The following METTL15 variants were observed in gnomAD, a reference collection of about 807,000 sequenced individuals.
The protein encoded by METTL15 is methyltransferase 15, mitochondrial 12S rRNA N4-cytidine, also known as 12S rRNA N(4)-cytidine methyltransferase METTL15.
A neutral mutation model predicts 38.3 loss-of-function variants in METTL15; 34 were observed. The ratio of observed to expected loss-of-function variants is 0.89; its 90% CI spans 0.68 to 1.18. The LOEUF (loss-of-function observed/expected upper bound fraction) is 1.18, where lower values mean the gene tolerates loss of function less well. METTL15 is among the 50% of genes most tolerant of loss of function. The pLI is 0.00. For synonymous variants in METTL15, 162 were observed against 170.9 expected, an observed-to-expected ratio of 0.95 and a Z score of 0.41; for missense variants, 438 against 498.4, an observed-to-expected ratio of 0.88 and a Z score of 1.15.
In METTL15 at chr11:28,266,880, C is replaced by A. The variant is rs193109852; in HGVS notation, c.408-23326C>A. Among the ~76,000 whole-genome samples the A allele has an allele frequency of 2.9e-3, 440 of 152,282 alleles. 1 individual carries two copies. Among genetic ancestry groups the A allele is most frequent in the Non-Finnish European group, 4.3e-3 (294 of 68,026 alleles). Reference sequence around the variant, plus strand: ...TGTTTTACAAAGAAGGAAGAATTGGCTGGGCGTGGTGGCTCATGCCTATAA... The same window carrying A: ...TGTTTTACAAAGAAGGAAGAATTGGATGGGCGTGGTGGCTCATGCCTATAA... On this transcript the variant is annotated intron_variant, in intron 4 of 6. Coordinates refer to ENST00000407364, the MANE Select transcript of METTL15 (RefSeq NM_001113528.2).
intron 5 of METTL15, among the ~76,000 whole-genome samples, chr11:28,365,440 A>C (rs1368565840): frequency 6.6e-6 from 1 of 151,992 alleles, no homozygotes; most frequent in Admixed American, 6.6e-5. Flanking sequence ...TGTCCTCTAG[A>C]TTTTCTAATT....
intron 6 of METTL15, among the ~76,000 whole-genome samples, chr11:28,482,129 G>A (rs1049467977): frequency 2.0e-5 from 3 of 152,074 alleles, no homozygotes; most frequent in Non-Finnish European, 2.9e-5. Flanking sequence ...CTGTCAAATA[G>A]CATCATCAGC....
At chr11:28,410,848 A>G (rs1164134612) in intron 5 of METTL15, 1 of 152,076 alleles carries the variant, frequency 6.6e-6, no homozygotes, top group Non-Finnish European at 1.5e-5. Context: ...ATTTTCAGAT[A>G]ATATGATTCT....
downstream of METTL15, among the ~76,000 whole-genome samples, chr11:28,336,475 C>A (rs1280938059): frequency 6.6e-6 from 1 of 152,126 alleles, no homozygotes; most frequent in Non-Finnish European, 1.5e-5. Context: ...ATTCTGCACT[C>A]TAAAGCCAGT....
At chr11:28,123,874 AC>A in intron 3 of METTL15, 1 of 1,479,588 alleles carries the variant, frequency 6.8e-7, no homozygotes, top group Non-Finnish European at 9.1e-7. Context: ...AAAGAAGTAA[AC>A]TGTGGATATT....
chr11:28,352,401 G>A (rs1044548809), intron 4 of METTL15, among the ~76,000 whole-genome samples: 8 of 152,166 alleles, frequency 5.3e-5, no homozygotes, highest in Non-Finnish European at 1.5e-5. Context: ...GGGCAGGATA[G>A]TAGGGGAGAC....
At chr11:28,455,384 C>T (rs1404643152) in intron 6 of METTL15, among the ~76,000 whole-genome samples, 2 of 152,090 alleles carry the variant, frequency 1.3e-5, no homozygotes, top group African/African-American at 4.8e-5. Flanking sequence ...TCCCCAAAAT[C>T]TTCCTTTCAG....
intron 4 of METTL15, among the ~76,000 whole-genome samples, chr11:28,267,049 A>G (rs974907987): frequency 2.6e-5 from 4 of 151,496 alleles, no homozygotes; most frequent in Non-Finnish European, 5.9e-5. Flanking sequence ...AATCCCAGCT[A>G]CTCAGGAGGC....
chr11:28,158,248 G>A (rs759017911), intron 3 of METTL15, among the ~76,000 whole-genome samples: 1 of 152,202 alleles, frequency 6.6e-6, no homozygotes, highest in Non-Finnish European at 1.5e-5. Flanking sequence ...CCCAGCAGAG[G>A]AGGATTTTAA....
chr11:28,212,384 T>C (rs1220479098), intron 4 of METTL15, among the ~76,000 whole-genome samples: 2 of 152,162 alleles, frequency 1.3e-5, no homozygotes, highest in South Asian at 2.1e-4. Flanking sequence ...GTAACTTAGA[T>C]GCGCCTTCTT....
chr11:28,394,890 T>G (rs1342745632), intron 5 of METTL15, among the ~76,000 whole-genome samples: 2 of 152,180 alleles, frequency 1.3e-5, no homozygotes, highest in East Asian at 3.9e-4. Context: ...TAATAGATAC[T>G]TATTAAGTAT....
chr11:28,181,919 G>A (rs1250869897), intron 3 of METTL15, among the ~76,000 whole-genome samples: 4 of 152,082 alleles, frequency 2.6e-5, no homozygotes, highest in Non-Finnish European at 5.9e-5. Flanking sequence ...TCCAGCATCT[G>A]TTGTTTCCTG....
At chr11:28,185,990 T>A (rs1039535234) in intron 3 of METTL15, among the ~76,000 whole-genome samples, 6 of 150,886 alleles carry the variant, frequency 4.0e-5, no homozygotes, top group African/African-American at 1.5e-4. Flanking sequence ...TTATGAGTCC[T>A]GTTTAGCAAT....
chr11:28,385,645 A>T (rs1564915197), intron 5 of METTL15, among the ~76,000 whole-genome samples: 2 of 152,130 alleles, frequency 1.3e-5, no homozygotes, highest in Non-Finnish European at 2.9e-5. Flanking sequence ...AAAAGGTTCC[A>T]TGTGAATTTT....
At chr11:28,141,317 T>C (rs1849691386) in intron 3 of METTL15, among the ~76,000 whole-genome samples, 1 of 152,098 alleles carries the variant, frequency 6.6e-6, no homozygotes, top group African/African-American at 2.4e-5. Context: ...GTCCTGTTGG[T>C]ATCAGGTGGT....
intron 4 of METTL15, among the ~76,000 whole-genome samples, chr11:28,233,064 C>CT (rs1853756852): frequency 6.6e-6 from 1 of 151,910 alleles, no homozygotes; most frequent in Non-Finnish European, 1.5e-5. Flanking sequence ...AAATTATGCC[C>CT]TTAACAATCT....
chr11:28,494,357 A>C (rs1008818698), intron 6 of METTL15, among the ~76,000 whole-genome samples: 4 of 152,138 alleles, frequency 2.6e-5, no homozygotes, highest in Non-Finnish European at 5.9e-5. Context: ...AAGTTTCAAA[A>C]CCACTGGACA....
In METTL15 at chr11:28,333,466, A is replaced by C. The variant is rs1294165072; in HGVS notation, c.*2625A>C. The C allele has an allele frequency of 6.6e-6, 1 of 152,160 alleles. No individual in the cohort carries two copies. The highest frequency in any genetic ancestry group is 1.5e-5 in the Non-Finnish European group (1 of 68,002). The allele number at this position is 152,160 out of a possible 1,614,324, so 9.4% of individuals were successfully genotyped here. A position where few individuals can be genotyped will look rare whatever the true frequency, so the allele number is the denominator to read the frequency against. On this transcript the variant is annotated 3_prime_UTR_variant, in exon 7 of 7. Transcript: ENST00000407364. ...CACAGAAATAAAAGCTAATGTTACT[A>C]TGAATGCGCATTACTTTTCTAATAA...
intron 5 of METTL15, among the ~76,000 whole-genome samples, chr11:28,396,774 C>T (rs1286494126): frequency 1.3e-5 from 2 of 152,140 alleles, no homozygotes; most frequent in Admixed American, 1.3e-4. Flanking sequence ...AAAGAGCCCT[C>T]ATTGCCAAGA....
Sources: allele counts gnomAD v4.1 joint callset (sites outside exome capture counted in the v4.1 genomes callset), GRCh38; gene constraint gnomAD v4.1.1; transcripts MANE v1.5; gene names NCBI Gene and HGNC (gene_info 2026-07-23, HGNC 2026-07-21).